ADAM20: variants seen among roughly 807,000 people sequenced by gnomAD.
The protein encoded by ADAM20 is ADAM metallopeptidase domain 20, also known as disintegrin and metalloproteinase domain-containing protein 20.
For missense variants in ADAM20, 871 were observed against 883.2 expected, an observed-to-expected ratio of 0.99 and a Z score of 0.18; for synonymous variants, 305 against 310.2, an observed-to-expected ratio of 0.98 and a Z score of 0.18.
At chr14:70,573,293 A>C in the ADAM20 span, among the ~76,000 whole-genome samples, 2 of 152,232 alleles carry the variant, frequency 1.3e-5, no homozygotes, top group African/African-American at 2.4e-5. Flanking sequence ...ACATGAATGC[A>C]GCTGGAGGCC....
the ADAM20 span, among the ~76,000 whole-genome samples, chr14:70,568,946 C>T: frequency 6.6e-6 from 1 of 151,990 alleles, no homozygotes; most frequent in African/African-American, 2.4e-5. Flanking sequence ...ATATAAGAAA[C>T]TGAGAGTACA....
At chr14:70,569,885 C>CAAAAAAA in the ADAM20 span, among the ~76,000 whole-genome samples, 31 of 76,188 alleles carry the variant, frequency 4.1e-4, no homozygotes, top group Non-Finnish European at 5.1e-4. Flanking sequence ...AGAAAACTAA[C>CAAAAAAA]AAAAAAAAAA....
Position 70,524,371 on chromosome 14 carries a change from A to C in ADAM20, c.387T>G (p.Ser129=). 1 of 1,614,016 alleles carries C rather than the reference A, an allele frequency of 6.2e-7. No homozygotes were observed. The highest frequency in any genetic ancestry group is 8.5e-7 in the Non-Finnish European group (1 of 1,179,948). Residue 129 remains serine (S), a synonymous_variant, in exon 2 of 2, where the codon TCT becomes TCG. Coordinates refer to ENST00000256389, the MANE Select transcript of ADAM20 (RefSeq NM_003814.5). ...PESLVALSTC[S]GGFLGMLQIN... is the part of the protein sequence containing the mutation. ...TCTGTAGCATTCCAAGAAAGCCCCC[A>C]GAACAGGTACTAAGGGCAACCAAGG...
At chr14:70,530,710 A>C (rs1883693270) in intron 1 of ADAM20, among the ~76,000 whole-genome samples, 1 of 152,208 alleles carries the variant, frequency 6.6e-6, no homozygotes, top group African/African-American at 2.4e-5. Flanking sequence ...TATGTGGTTC[A>C]TCTGCAGATG....
At chr14:70,526,289 T>A (rs1214678240) in intron 1 of ADAM20, among the ~76,000 whole-genome samples, 1 of 152,174 alleles carries the variant, frequency 6.6e-6, no homozygotes, top group Non-Finnish European at 1.5e-5. Context: ...CAAATGAGCA[T>A]GTGCAACCTC....
At chr14:70,539,078 G>A (rs1219761322), upstream of ADAM20, among the ~76,000 whole-genome samples, 5 of 149,158 alleles carry the variant, frequency 3.4e-5, no homozygotes, top group South Asian at 2.1e-4. Flanking sequence ...CTGCCAGAAC[G>A]AGCCAACAGT....
At chr14:70,527,920 C>T (rs577790258) in intron 1 of ADAM20, among the ~76,000 whole-genome samples, 3 of 152,292 alleles carry the variant, frequency 2.0e-5, no homozygotes, top group Admixed American at 6.5e-5. Flanking sequence ...TCATCTAAAC[C>T]TTTCCTCATT....
the ADAM20 span, among the ~76,000 whole-genome samples, chr14:70,561,098 T>C: frequency 1.3e-5 from 2 of 152,214 alleles, no homozygotes; most frequent in Non-Finnish European, 2.9e-5. Flanking sequence ...AAAATGCCTA[T>C]AGTGATATGA....
chr14:70,546,182 A>C, the ADAM20 span, among the ~76,000 whole-genome samples: 1 of 152,190 alleles, frequency 6.6e-6, no homozygotes, highest in African/African-American at 2.4e-5. Context: ...AACATACAAA[A>C]ACCTATGAGA....
the ADAM20 span, among the ~76,000 whole-genome samples, chr14:70,547,062 T>C: frequency 3.3e-5 from 5 of 152,216 alleles, no homozygotes; most frequent in Middle Eastern, 3.2e-3. Flanking sequence ...GTGGCTACTA[T>C]GAGCAACTAT....
At position 70,523,656 on chromosome 14, in the gene ADAM20, C is replaced by G; in HGVS notation, c.1102G>C (p.Ala368Pro). 6.2e-7 allele frequency: 1 copy of G among 1,614,104 alleles called. No homozygotes were observed. Among genetic ancestry groups the G allele is most frequent in the East Asian group, 2.2e-5 (1 of 44,872 alleles). The change falls in exon 2 of 2, where the codon GCC (alanine) becomes CCC (proline). Residue 368 changes from alanine to proline, a missense_variant. Physicochemically the swap from Ala to Pro is conservative, Grantham distance 27 (BLOSUM62 -1). Transcript: ENST00000256389. The stretch of plus-strand genomic sequence containing the variant: ...AATTTAGTTGTCACCTTTCTATAGG[C>G]ATGCATTATGCACCACTGTAGCTCG... ...VCELQWCIMHAYRKVTTKFSN... is the reference protein window; with the variant it reads ...VCELQWCIMHPYRKVTTKFSN...
At chr14:70,539,457 A>C (rs1883902471), upstream of ADAM20, among the ~76,000 whole-genome samples, 1 of 152,262 alleles carries the variant, frequency 6.6e-6, no homozygotes, top group Non-Finnish European at 1.5e-5. Flanking sequence ...GCGCCTGTCC[A>C]TGTGGATAAG....
chr14:70,531,066 C>A (rs1883700739), intron 1 of ADAM20, among the ~76,000 whole-genome samples: 1 of 151,810 alleles, frequency 6.6e-6, no homozygotes, highest in Non-Finnish European at 1.5e-5. Flanking sequence ...AAAAGATCAA[C>A]AAAATTGGCA....
chr14:70,547,345 G>C, the ADAM20 span: 3 of 153,574 alleles, frequency 2.0e-5, no homozygotes, highest in African/African-American at 4.8e-5. Flanking sequence ...AGCTCCCAGC[G>C]TGAGCGACGC....
At chr14:70,577,701 G>A in the ADAM20 span, among the ~76,000 whole-genome samples, 30 of 152,260 alleles carry the variant, frequency 2.0e-4, no homozygotes, top group Non-Finnish European at 4.1e-4. Context: ...ACAGACAGAC[G>A]TATGGACCAA....
At position 70,524,142 on chromosome 14, in the gene ADAM20, G is replaced by A; in HGVS notation, c.616C>T (p.Gln206Ter). The A allele has an allele frequency of 6.2e-7, 1 of 1,613,798 alleles. No homozygotes were observed. Residue 206 changes from glutamine to a stop codon, truncating the protein, a stop_gained, in exon 2 of 2, where the codon CAG becomes TAG. Transcript: ENST00000256389. LOFTEE classifies it low-confidence loss of function (END_TRUNC). The part of the protein sequence containing the change: ...QSSFVGWWTH[Q>*]RFVELVVVVD... ...ACCACTACCAGCTCAACAAACCGCT[G>A]ATGGGTCCACCAGCCCACAAAAGAA...
At chr14:70,545,383 G>A in the ADAM20 span, among the ~76,000 whole-genome samples, 1 of 152,212 alleles carries the variant, frequency 6.6e-6, no homozygotes, top group African/African-American at 2.4e-5. Context: ...TGAACTCAGT[G>A]CTTCCCTGTC....
At chr14:70,536,718 C>G (rs2332427), upstream of ADAM20, among the ~76,000 whole-genome samples, 1,244 of 152,054 alleles carry the variant, frequency 8.2e-3, 10 homozygotes, top group African/African-American at 0.028. Flanking sequence ...CAGAAACATT[C>G]CAACCATAAG....
chr14:70,525,864 G>A (rs1883578611), intron 1 of ADAM20, among the ~76,000 whole-genome samples: 1 of 152,194 alleles, frequency 6.6e-6, no homozygotes, highest in Non-Finnish European at 1.5e-5. Flanking sequence ...TAGGGTAACA[G>A]GGAGTGAGGC....
Sources: allele counts gnomAD v4.1 joint callset (sites outside exome capture counted in the v4.1 genomes callset), GRCh38; gene constraint gnomAD v4.1.1; transcripts MANE v1.5; gene names NCBI Gene and HGNC (gene_info 2026-07-23, HGNC 2026-07-21).